ATRNL1: variants seen among roughly 807,000 people sequenced by gnomAD.
ATRNL1 encodes attractin-like protein 1.
In ATRNL1, 95 loss-of-function variants were observed where a neutral mutation model predicts 182.7. The ratio of observed to expected loss-of-function variants is 0.52; its 90% CI spans 0.44 to 0.62. The LOEUF (loss-of-function observed/expected upper bound fraction) is 0.62, where lower values mean the gene tolerates loss of function less well. Among genes scored for constraint, ATRNL1 ranks in the 20% least tolerant of loss-of-function variants. ATRNL1 has a pLI of 0.00. For synonymous variants in ATRNL1, 576 were observed against 568.3 expected, an observed-to-expected ratio of 1.01 and a Z score of -0.19; for missense variants, 1,471 against 1,679.5, an observed-to-expected ratio of 0.88 and a Z score of 2.17.
intron 26 of ATRNL1, among the ~76,000 whole-genome samples, chr10:115,625,161 A>G (rs191843494): frequency 6.6e-6 from 1 of 152,180 alleles, no homozygotes; most frequent in Non-Finnish European, 1.5e-5. Context: ...GTGTTAGTGG[A>G]TGCTGCCTTT....
intron 9 of ATRNL1, among the ~76,000 whole-genome samples, chr10:115,234,767 T>C (rs1850107804): frequency 6.6e-6 from 1 of 151,958 alleles, no homozygotes; most frequent in African/African-American, 2.4e-5. Flanking sequence ...ATTTTTGTAT[T>C]TATTAGGGAC....
chr10:115,597,559 T>TTATGG (rs1555014407), intron 26 of ATRNL1: 2 of 397,750 alleles, frequency 5.0e-6, no homozygotes, highest in African/African-American at 2.3e-5. Flanking sequence ...AACAATTCAT[T>TTATGG]TATGGGAGCT....
intron 19 of ATRNL1, among the ~76,000 whole-genome samples, chr10:115,387,199 T>A (rs975120170): frequency 6.6e-6 from 1 of 152,092 alleles, no homozygotes; most frequent in East Asian, 1.9e-4. Context: ...AGTCTTAAGA[T>A]CAGATGAGTA....
At chr10:115,541,466 AT>A (rs1161869834) in intron 25 of ATRNL1, among the ~76,000 whole-genome samples, 1 of 152,188 alleles carries the variant, frequency 6.6e-6, no homozygotes, top group Non-Finnish European at 1.5e-5. Context: ...AATTGATGTA[AT>A]GGCTTTGAAA....
At chr10:115,441,652 TATC>T (rs1251891314) in intron 21 of ATRNL1, among the ~76,000 whole-genome samples, 2 of 152,034 alleles carry the variant, frequency 1.3e-5, no homozygotes, top group Non-Finnish European at 2.9e-5. Flanking sequence ...TTCTGTTTGA[TATC>T]ATCATTTAGA....
chr10:115,559,287 A>G (rs1266468700), intron 26 of ATRNL1, among the ~76,000 whole-genome samples: 3 of 152,198 alleles, frequency 2.0e-5, no homozygotes, highest in Non-Finnish European at 2.9e-5. Context: ...TTATTTTTAA[A>G]TTTCCAATTA....
At chr10:115,272,083 T>C (rs1287951834) in intron 13 of ATRNL1, among the ~76,000 whole-genome samples, 1 of 152,330 alleles carries the variant, frequency 6.6e-6, no homozygotes, top group East Asian at 1.9e-4. Context: ...CCACTTTGCC[T>C]TCTGCAATGA....
At chr10:115,606,507 C>T (rs1425801781) in intron 26 of ATRNL1, among the ~76,000 whole-genome samples, 1 of 151,942 alleles carries the variant, frequency 6.6e-6, no homozygotes, top group Non-Finnish European at 1.5e-5. Flanking sequence ...TGAGTTTTTG[C>T]AGTGCTTTTT....
At chr10:115,858,187 C>T (rs1951229634) in intron 28 of ATRNL1, among the ~76,000 whole-genome samples, 1 of 152,244 alleles carries the variant, frequency 6.6e-6, no homozygotes, top group African/African-American at 2.4e-5. Flanking sequence ...AATCCCATTG[C>T]TGAGTGTTTA....
At chr10:115,772,625 G>GTGTGTGTT (rs1295965119) in intron 27 of ATRNL1, among the ~76,000 whole-genome samples, 5 of 151,464 alleles carry the variant, frequency 3.3e-5, no homozygotes, top group Admixed American at 3.3e-4. Flanking sequence ...GTGTGTGTGT[G>GTGTGTGTT]TGTGTGTATT....
intron 27 of ATRNL1, among the ~76,000 whole-genome samples, chr10:115,790,910 C>T (rs1341654664): frequency 6.6e-6 from 1 of 152,158 alleles, no homozygotes. Flanking sequence ...AACACATTTT[C>T]TCTTACTCTG....
chr10:115,820,853 A>G (rs1018788037), intron 27 of ATRNL1, among the ~76,000 whole-genome samples: 2 of 151,948 alleles, frequency 1.3e-5, no homozygotes, highest in Non-Finnish European at 2.9e-5. Context: ...CCCCACCCAA[A>G]TCTCATCTTG....
intron 26 of ATRNL1, among the ~76,000 whole-genome samples, chr10:115,606,990 GTC>G (rs1366336207): frequency 6.6e-6 from 1 of 151,902 alleles, no homozygotes; most frequent in Non-Finnish European, 1.5e-5. Context: ...GAGGGACATT[GTC>G]TTCTTGCACT....
chr10:115,780,170 T>C (rs958294850), intron 27 of ATRNL1, among the ~76,000 whole-genome samples: 1 of 152,128 alleles, frequency 6.6e-6, no homozygotes, highest in East Asian at 1.9e-4. Flanking sequence ...AGCACAGTGA[T>C]TGTGGGACAT....
chr10:115,176,801 T>TA (rs1554886784), intron 8 of ATRNL1, among the ~76,000 whole-genome samples: 1 of 152,148 alleles, frequency 6.6e-6, no homozygotes, highest in Non-Finnish European at 1.5e-5. Context: ...TAGGTACTCT[T>TA]TTTTTAAAAA....
intron 19 of ATRNL1, among the ~76,000 whole-genome samples, chr10:115,393,082 A>G (rs782118744): frequency 1.3e-5 from 2 of 152,104 alleles, no homozygotes; most frequent in Non-Finnish European, 2.9e-5. Context: ...CTTGTGTAAG[A>G]GGACAGACAA....
intron 8 of ATRNL1, among the ~76,000 whole-genome samples, chr10:115,198,971 G>T (rs1387955579): frequency 1.3e-5 from 2 of 152,062 alleles, no homozygotes; most frequent in Non-Finnish European, 2.9e-5. Context: ...GCTTAAGGTT[G>T]CCTTAGCTCT....
At chr10:115,289,198 A>G (rs1174539765) in intron 15 of ATRNL1, among the ~76,000 whole-genome samples, 2 of 152,124 alleles carry the variant, frequency 1.3e-5, no homozygotes, top group African/African-American at 4.8e-5. Context: ...CTTATTCACT[A>G]TCATGAGAAC....
At chr10:115,775,160 C>A (rs1555077532) in intron 27 of ATRNL1, among the ~76,000 whole-genome samples, 1 of 152,114 alleles carries the variant, frequency 6.6e-6, no homozygotes, top group Non-Finnish European at 1.5e-5. Context: ...TAACTGCATA[C>A]TTCTGAAATG....
Sources: allele counts gnomAD v4.1 joint callset (sites outside exome capture counted in the v4.1 genomes callset), GRCh38; gene constraint gnomAD v4.1.1; transcripts MANE v1.5; gene names NCBI Gene and HGNC (gene_info 2026-07-23, HGNC 2026-07-21).